Variants in CACUL1 observed in about 807,000 individuals in gnomAD.
CACUL1 encodes CDK2-associated and cullin domain-containing protein 1.
In CACUL1, 13 loss-of-function variants were observed where a neutral mutation model predicts 45.2. The ratio of observed to expected loss-of-function variants is 0.29; its 90% confidence interval spans 0.19 to 0.46. CACUL1 has a LOEUF of 0.46. CACUL1 is among the 20% of genes least tolerant of loss of function. The pLI, the probability that CACUL1 is intolerant of heterozygous loss-of-function variation, is 1.00. For synonymous variants in CACUL1, 197 were observed against 174.2 expected, an observed-to-expected ratio of 1.13 and a Z score of -1.03; for missense variants, 421 against 471.4, an observed-to-expected ratio of 0.89 and a Z score of 0.99.
rs760669644 is a variant in CACUL1, at chr10:118,691,358, T to C, written c.932A>G (p.Asn311Ser). ...APTLFSKFIP[N>S]ILPPAVESEL... ...AGATTCCACCGCCGGAGGGAGAATG[T>C]TTGGAATAAATTTAGAAAATAGAGT... The change falls in exon 7 of 9, where the codon AAC (asparagine) becomes AGC (serine). Residue 311 changes from asparagine to serine, a missense_variant. By Grantham distance (46) the Asn-to-Ser change is conservative (BLOSUM62 1). This residue lies in a region of CACUL1 where 208 missense variants were observed against 298.4 expected (regional missense o/e 0.70). Transcript: ENST00000369151. 2 of 1,613,080 alleles carry C rather than the reference T, an allele frequency of 1.2e-6. No homozygotes were observed. Among genetic ancestry groups the C allele is most frequent in the Non-Finnish European group, 1.7e-6 (2 of 1,179,114 alleles).
rs868486949 is a variant in CACUL1, at chr10:118,752,302, G to C, written c.367+2094C>G. ...GTATTATTATTTACTGAAGGTTTTT[G>C]GTAATGACCTTTATCTAGTTATCTT... is the stretch of plus-strand genomic sequence containing the variant. On this transcript the variant is annotated intron_variant, in intron 1 of 8. Coordinates refer to ENST00000369151, the MANE Select transcript of CACUL1 (RefSeq NM_153810.5). Among the ~76,000 whole-genome samples, 3 of 151,884 alleles carry C rather than the reference G, an allele frequency of 2.0e-5. No individual in the cohort carries two copies. The South Asian group carries it at 6.2e-4, about 31-fold the overall frequency.
intron 1 of CACUL1, among the ~76,000 whole-genome samples, chr10:118,732,949 C>T (rs531675583): frequency 5.9e-5 from 9 of 152,238 alleles, no homozygotes; most frequent in African/African-American, 2.2e-4. Context: ...TGAAATACCT[C>T]TCTACACCGA....
intron 3 of CACUL1, among the ~76,000 whole-genome samples, chr10:118,724,084 C>T (rs184492105): frequency 9.9e-5 from 15 of 152,170 alleles, no homozygotes; most frequent in African/African-American, 3.1e-4. Flanking sequence ...CCATCTTAAT[C>T]CAATCAGGAA....
At chr10:118,699,927 C>T (rs981055076) in intron 5 of CACUL1, among the ~76,000 whole-genome samples, 2 of 152,042 alleles carry the variant, frequency 1.3e-5, no homozygotes, top group South Asian at 2.1e-4. Flanking sequence ...GGATTACAGG[C>T]GTGAGCCACT....
intron 5 of CACUL1, among the ~76,000 whole-genome samples, chr10:118,700,090 T>C (rs1375122044): frequency 6.6e-6 from 1 of 152,040 alleles, no homozygotes; most frequent in Non-Finnish European, 1.5e-5. Context: ...CCATGCTTGA[T>C]AATTCCTTCA....
intron 1 of CACUL1, among the ~76,000 whole-genome samples, chr10:118,752,526 T>C (rs1845908450): frequency 6.6e-6 from 1 of 152,242 alleles, no homozygotes; most frequent in Non-Finnish European, 1.5e-5. Flanking sequence ...ACTGTTGGAT[T>C]TGATGAGCGA....
chr10:118,696,847 C>T (rs1320565217), intron 5 of CACUL1, among the ~76,000 whole-genome samples: 1 of 152,170 alleles, frequency 6.6e-6, no homozygotes, highest in Non-Finnish European at 1.5e-5. Context: ...ATCCATCTTC[C>T]TAACCTTTTC....
intron 1 of CACUL1, among the ~76,000 whole-genome samples, chr10:118,740,418 T>C (rs1204848783): frequency 6.6e-6 from 1 of 151,922 alleles, no homozygotes; most frequent in South Asian, 2.1e-4. Flanking sequence ...AAGACCAGCC[T>C]GGTCAACATG....
Position 118,684,122 on chromosome 10 carries a change from G to C in CACUL1, c.*2006C>G, listed in dbSNP as rs984533317. On this transcript the variant is annotated 3_prime_UTR_variant, in exon 9 of 9. Transcript: ENST00000369151. ...ACTTAATAATGCAAAAGCATCCAAA[G>C]ATTTTAATGCCAATTCACATTATAC... is the stretch of plus-strand genomic sequence containing the variant. The C allele has an allele frequency of 6.6e-6, 1 of 152,592 alleles. No individual in the cohort carries two copies. The highest frequency in any genetic ancestry group is 2.4e-5 in the African/African-American group (1 of 41,426). The allele number at this position is 152,592 out of a possible 1,614,324, so 9.5% of individuals were successfully genotyped here.
At chr10:118,729,086 T>G in intron 3 of CACUL1, 1 of 489,132 alleles carries the variant, frequency 2.0e-6, no homozygotes, top group South Asian at 2.6e-5. Context: ...GAAATATATT[T>G]AATCCAAAAA....
At chr10:118,738,612 A>G (rs1431733700) in intron 1 of CACUL1, among the ~76,000 whole-genome samples, 1 of 151,952 alleles carries the variant, frequency 6.6e-6, no homozygotes, top group African/African-American at 2.4e-5. Flanking sequence ...TCTGCATTCA[A>G]TCAACCTAAC....
intron 1 of CACUL1, among the ~76,000 whole-genome samples, chr10:118,752,966 C>T (rs1377797135): frequency 6.6e-6 from 1 of 152,052 alleles, no homozygotes; most frequent in Non-Finnish European, 1.5e-5. Context: ...TATCAGAGGT[C>T]TGTCTGCCTA....
chr10:118,693,892 G>A (rs1845295716), intron 6 of CACUL1: 1 of 373,538 alleles, frequency 2.7e-6, no homozygotes, highest in East Asian at 7.2e-5. Context: ...TACTCTAGAT[G>A]TCATTAATCA....
chr10:118,714,737 A>G (rs1845525364), intron 3 of CACUL1, among the ~76,000 whole-genome samples: 1 of 152,234 alleles, frequency 6.6e-6, no homozygotes, highest in African/African-American at 2.4e-5. Flanking sequence ...ATTTCTTTAC[A>G]TAAAATATTT....
At chr10:118,729,220 T>C (rs1055726072) in intron 3 of CACUL1, 75 bp downstream of exon 3, 2 of 861,628 alleles carry the variant, frequency 2.3e-6, no homozygotes, top group Non-Finnish European at 3.9e-6. Flanking sequence ...AGCTTCCAAA[T>C]GTGTATTAGA....
At position 118,754,824 on chromosome 10, in the gene CACUL1, C is replaced by T; in HGVS notation, c.-62G>A. 1.3e-6 allele frequency: 2 copies of T among 1,499,944 alleles called. No homozygotes were observed. The highest frequency in any genetic ancestry group is 2.7e-5 in the South Asian group (2 of 74,024). 92.9% of individuals were successfully genotyped at this position (1,499,944 alleles called of 1,614,324 possible). The stretch of plus-strand genomic sequence containing the variant: ...CCTGCCGCCTGTCTCAACCCCGGGC[C>T]AGCGGGCACCGCTGCCTCCCCGAGT... On this transcript the variant is annotated 5_prime_UTR_variant, in exon 1 of 9. Transcript: ENST00000369151.
chr10:118,715,876 T>G (rs187341344), intron 3 of CACUL1, among the ~76,000 whole-genome samples: 28 of 152,238 alleles, frequency 1.8e-4, no homozygotes, highest in Non-Finnish European at 2.4e-4. Context: ...TGACAAAACA[T>G]GTATCTTTGT....
rs964145472 is a variant in CACUL1 at position 118,679,295 on chromosome 10, T to G, written c.*6833A>C. The G allele has an allele frequency of 6.6e-6, 1 of 152,188 alleles. No homozygotes were observed. The highest frequency in any genetic ancestry group is 1.5e-5 in the Non-Finnish European group (1 of 68,022). The allele number at this position is 152,188 out of a possible 1,614,324, so 9.4% of individuals were successfully genotyped here. A position where few individuals can be genotyped will look rare whatever the true frequency, so the allele number is the denominator to read the frequency against. On this transcript the variant is annotated 3_prime_UTR_variant, in exon 9 of 9. Transcript: ENST00000369151. Reference sequence around the variant, plus strand: ...TTAGCCCACTGTAACCTCCACTTCCTGGGTTCAAGTTCTTGTGCCTGAGCC... The same window carrying G: ...TTAGCCCACTGTAACCTCCACTTCCGGGGTTCAAGTTCTTGTGCCTGAGCC...
rs1010649614 is a variant in CACUL1 at position 118,685,943 on chromosome 10, CG to C, written c.*184del. ...AAATCACCCCCAAGTCTAGCAGCAA[CG>C]TTTTTTTTTTTTTTAGTTTTTGTTT... On this transcript the variant is annotated 3_prime_UTR_variant, in exon 9 of 9. Transcript: ENST00000369151. 1.3e-4 allele frequency: 52 copies of C among 403,268 alleles called. No homozygotes were observed. Among genetic ancestry groups the C allele is most frequent in the East Asian group, 3.6e-4 (10 of 27,852 alleles). 25.0% of individuals were successfully genotyped at this position (403,268 alleles called of 1,614,324 possible). A position where few individuals can be genotyped will look rare whatever the true frequency, so the allele number is the denominator to read the frequency against.
Sources: allele counts gnomAD v4.1 joint callset (sites outside exome capture counted in the v4.1 genomes callset), GRCh38; gene constraint gnomAD v4.1.1; regional missense constraint gnomAD v4.1.1; transcripts MANE v1.5; gene names NCBI Gene and HGNC (gene_info 2026-07-23, HGNC 2026-07-21).